DNMT3B: variants seen among roughly 807,000 people sequenced by gnomAD.
DNMT3B encodes the protein DNA (cytosine-5)-methyltransferase 3B.
Under a neutral mutation model 120.2 loss-of-function variants are expected in DNMT3B, and 37 were observed. The ratio of observed to expected loss-of-function variants is 0.31; its 90% CI spans 0.24 to 0.40. DNMT3B has a LOEUF of 0.40. Ranked by LOEUF, DNMT3B falls within the 10% of genes least tolerant of loss-of-function variation. DNMT3B has a pLI of 1.00. For synonymous variants in DNMT3B, 412 were observed against 442.8 expected (o/e 0.93, Z 0.87); for missense variants, 878 against 1,137.3 (o/e 0.77, Z 3.28).
intron 1 of DNMT3B, chr20:32,780,116 A>G (rs766182686): frequency 1.1e-5 from 17 of 1,613,512 alleles, no homozygotes; most frequent in South Asian, 9.9e-5. Flanking sequence ...GCCTGTCCAC[A>G]TGGAACCAAG....
intron 4 of DNMT3B, among the ~76,000 whole-genome samples, chr20:32,785,143 G>C (rs1025578120): frequency 1.3e-5 from 2 of 151,682 alleles, no homozygotes; most frequent in African/African-American, 4.9e-5. Context: ...TGGTCCAAGT[G>C]ATTCTCCTGC....
intron 1 of DNMT3B, among the ~76,000 whole-genome samples, chr20:32,771,614 C>CTG (rs1987748114): frequency 1.1e-4 from 12 of 109,112 alleles, no homozygotes; most frequent in African/African-American, 3.8e-4. Flanking sequence ...CCAGCCTGGG[C>CTG]AACAGAGCAA....
chr20:32,801,521 T>C, intron 19 of DNMT3B, 95 bp downstream of exon 19: 1 of 1,526,266 alleles, frequency 6.6e-7, no homozygotes, highest in Non-Finnish European at 9.0e-7. Context: ...ACATTGGGAA[T>C]GACTTTCCCG....
intron 4 of DNMT3B, 110 bp downstream of exon 4, chr20:32,784,969 G>A: frequency 1.9e-6 from 2 of 1,066,216 alleles, no homozygotes; most frequent in South Asian, 2.7e-5. Context: ...AAGAGAAAGT[G>A]ATGAAAAAAT....
chr20:32,762,655 C>T lies in DNMT3B; in HGVS notation c.-51C>T, dbSNP rs527845619. ...CGGCCTCCCGCCAGCCAGCCCCGACCCGCGGCTCCGCCGCCCAGCCGCGCC... is the reference window on the plus strand; with the variant it reads ...CGGCCTCCCGCCAGCCAGCCCCGACTCGCGGCTCCGCCGCCCAGCCGCGCC... On this transcript the variant is annotated 5_prime_UTR_variant, in exon 1 of 23. Coordinates refer to ENST00000328111, the MANE Select transcript of DNMT3B (RefSeq NM_006892.4). 24 of 227,666 alleles carry T rather than the reference C, an allele frequency of 1.1e-4. No individual in the cohort carries two copies. The highest frequency in any genetic ancestry group is 5.7e-4 in the African/African-American group (24 of 42,280). 14.1% of individuals were successfully genotyped at this position (227,666 alleles called of 1,614,324 possible).
intron 1 of DNMT3B, among the ~76,000 whole-genome samples, chr20:32,779,561 G>C (rs1236813637): frequency 1.3e-5 from 2 of 152,254 alleles, no homozygotes; most frequent in Non-Finnish European, 2.9e-5. Context: ...AGGAGGGGCA[G>C]CAGTGGGGAG....
At chr20:32,767,084 G>A (rs965885127) in intron 1 of DNMT3B, among the ~76,000 whole-genome samples, 1 of 151,666 alleles carries the variant, frequency 6.6e-6, no homozygotes, top group Non-Finnish European at 1.5e-5. Flanking sequence ...TAGAGATGGG[G>A]TTTCTCCATG....
rs1460505861 is a variant in DNMT3B, at chr20:32,809,193, T to C, written c.*1290T>C. On this transcript the variant is annotated 3_prime_UTR_variant, in exon 23 of 23. Coordinates refer to ENST00000328111, the MANE Select transcript of DNMT3B (RefSeq NM_006892.4). ...TTAAAATCTCAAACTTCTATTTTTA[T>C]GTTTAACGTTTTCATTAAAATTTTT... is the stretch of plus-strand genomic sequence containing the variant. The C allele has an allele frequency of 5.1e-6, 1 of 195,216 alleles. No homozygotes were observed. Among genetic ancestry groups the C allele is most frequent in the African/African-American group, 3.1e-5 (1 of 31,792 alleles). The allele number at this position is 195,216 out of a possible 1,614,324, so 12.1% of individuals were successfully genotyped here.
intron 20 of DNMT3B, among the ~76,000 whole-genome samples, chr20:32,802,992 A>T (rs1335154659): frequency 6.6e-6 from 1 of 152,096 alleles, no homozygotes; most frequent in Non-Finnish European, 1.5e-5. Context: ...ATGGAAGTAG[A>T]TTGTTGTTAC....
intron 1 of DNMT3B, among the ~76,000 whole-genome samples, chr20:32,771,483 A>G (rs1987735408): frequency 6.6e-6 from 1 of 152,112 alleles, no homozygotes; most frequent in South Asian, 2.1e-4. Context: ...TCTACTAAAA[A>G]TACAAAAATT....
At chr20:32,764,297 C>T (rs1317296020) in intron 1 of DNMT3B, among the ~76,000 whole-genome samples, 1 of 152,180 alleles carries the variant, frequency 6.6e-6, no homozygotes, top group Non-Finnish European at 1.5e-5. Context: ...ACCTCTTCAG[C>T]CCTTGATCTT....
At chr20:32,763,457 G>T (rs1434430352) in intron 1 of DNMT3B, among the ~76,000 whole-genome samples, 2 of 152,218 alleles carry the variant, frequency 1.3e-5, no homozygotes. Flanking sequence ...CGGCCACGCC[G>T]CCTACCCTGG....
intron 22 of DNMT3B, among the ~76,000 whole-genome samples, chr20:32,807,360 C>G (rs541219036): frequency 6.6e-6 from 1 of 152,278 alleles, no homozygotes; most frequent in African/African-American, 2.4e-5. Flanking sequence ...AAGGAAAACT[C>G]TGGTTGCCTG....
rs1242062488 is a variant in DNMT3B at position 32,795,535 on chromosome 20, G to A, written c.1252+1G>A. ...CGAGGGGATGAAGATCAGAGCCGAG[G>A]TGATTGTTGGGTACCTGGGATCATG... On this transcript the variant is annotated splice_donor_variant, in intron 11 of 22. Transcript: ENST00000328111. LOFTEE classifies it high-confidence loss of function. The A allele has an allele frequency of 6.2e-7, 1 of 1,614,142 alleles. No individual in the cohort carries two copies. The highest frequency in any genetic ancestry group is 1.1e-5 in the South Asian group (1 of 91,084).
chr20:32,787,244 G>A lies in DNMT3B; in HGVS notation c.447G>A (p.Arg149=). The A allele has an allele frequency of 6.2e-7, 1 of 1,614,234 alleles. No individual in the cohort carries two copies. The highest frequency in any genetic ancestry group is 1.3e-5 in the African/African-American group (1 of 75,054). ...EFPATRSLRR[R]ATASAGTPWP... The stretch of plus-strand genomic sequence containing the variant: ...TCTGTCCACAGTCCCTGAGACGGCG[G>A]GCAACAGCATCGGCAGGAACGCCAT... Residue 149 remains arginine, a synonymous_variant, in exon 6 of 23, where the codon CGG becomes CGA. Transcript: ENST00000328111.
In DNMT3B at chr20:32,787,340, C is replaced by G; in HGVS notation, c.543C>G (p.Pro181=). 6.2e-7 allele frequency: 1 copy of G among 1,614,224 alleles called. No individual in the cohort carries two copies. The highest frequency in any genetic ancestry group is 1.1e-5 in the South Asian group (1 of 91,092). Residue 181 remains proline, a synonymous_variant, in exon 6 of 23, where the codon CCC becomes CCG. Transcript: ENST00000328111. ...ACACAGAGGACACACATGGGACGCC[C>G]CAGAGCAGCAGTACCCCCTACGCCC... ...TDDTEDTHGT[P]QSSSTPYARL... is the part of the protein sequence containing the mutation.
chr20:32,762,486 G>A lies in DNMT3B; in HGVS notation c.-220G>A, dbSNP rs1987017758. The A allele has an allele frequency of 9.6e-6, 2 of 208,880 alleles. No homozygotes were observed. Among genetic ancestry groups the A allele is most frequent in the Non-Finnish European group, 9.9e-6 (1 of 101,120 alleles). The allele number at this position is 208,880 out of a possible 1,614,324, so 12.9% of individuals were successfully genotyped here. ...GTGGACGCTCCGAGCGCCCCCCGAC[G>A]GACGGGACCGGCTCCCTGGCGGTCG... On this transcript the variant is annotated 5_prime_UTR_variant, in exon 1 of 23. Transcript: ENST00000328111.
rs756983486 is a variant in DNMT3B, at chr20:32,798,448, C to T, written c.1491-12C>T. On this transcript the variant is annotated splice_polypyrimidine_tract_variant and intron_variant, in intron 14 of 22. Coordinates refer to ENST00000328111, the MANE Select transcript of DNMT3B (RefSeq NM_006892.4). The stretch of plus-strand genomic sequence containing the variant: ...TGACAAAGGCATCCCTTCTCCCTGC[C>T]ACTGGGTCCAGGTGTTTCTGTGTGG... The T allele has an allele frequency of 9.9e-6, 16 of 1,614,036 alleles. No homozygotes were observed. The highest frequency in any genetic ancestry group is 1.3e-5 in the Non-Finnish European group (15 of 1,180,042).
At chr20:32,772,829 C>T (rs1267248532) in intron 1 of DNMT3B, among the ~76,000 whole-genome samples, 1 of 150,028 alleles carries the variant, frequency 6.7e-6, no homozygotes, top group Non-Finnish European at 1.5e-5. Context: ...GTGTCATGCA[C>T]AGTCTGCAGA....
Sources: allele counts gnomAD v4.1 joint callset (sites outside exome capture counted in the v4.1 genomes callset), GRCh38; gene constraint gnomAD v4.1.1; transcripts MANE v1.5; gene names NCBI Gene and HGNC (gene_info 2026-07-23, HGNC 2026-07-21).